Variants in MEIG1 observed in about 807,000 individuals in gnomAD.
MEIG1 encodes the protein meiosis/spermiogenesis associated 1.
A neutral mutation model predicts 11.3 loss-of-function variants in MEIG1; 12 were observed. The ratio of observed to expected loss-of-function variants is 1.07; its 90% CI spans 0.68 to 1.73. The LOEUF (loss-of-function observed/expected upper bound fraction) is 1.73. Ranked by LOEUF, MEIG1 falls within the 40% of genes most tolerant of loss-of-function variation. The pLI is 0.00. For synonymous variants in MEIG1, 41 were observed against 33.2 expected, an observed-to-expected ratio of 1.24 and a Z score of -0.81; for missense variants, 119 against 104.9, an observed-to-expected ratio of 1.13 and a Z score of -0.59.
intron 1 of MEIG1, among the ~76,000 whole-genome samples, chr10:14,980,160 C>G (rs1472760533): frequency 1.3e-5 from 2 of 152,012 alleles, no homozygotes; most frequent in Non-Finnish European, 2.9e-5. Context: ...CGCCTATTGT[C>G]ACAGGGGGTG....
chr10:14,960,675 C>A (rs534035161), intron 1 of MEIG1, among the ~76,000 whole-genome samples: 473 of 152,004 alleles, frequency 3.1e-3, no homozygotes, highest in African/African-American at 0.011. Context: ...GCCTCGGTCT[C>A]CCAAAGTGCT....
chr10:14,965,470 A>G (rs901236911), intron 1 of MEIG1, among the ~76,000 whole-genome samples: 2 of 152,208 alleles, frequency 1.3e-5, no homozygotes, highest in Middle Eastern at 3.2e-3. Flanking sequence ...CAGTACCACG[A>G]CAGCCACACA....
intron 1 of MEIG1, among the ~76,000 whole-genome samples, chr10:14,981,431 C>T (rs1242531345): frequency 2.6e-5 from 4 of 152,166 alleles, no homozygotes; most frequent in Non-Finnish European, 5.9e-5. Context: ...TGATGAATGA[C>T]TTGATGTCCT....
chr10:14,974,305 G>A (rs984576404), downstream of MEIG1, among the ~76,000 whole-genome samples: 4 of 151,702 alleles, frequency 2.6e-5, no homozygotes, highest in East Asian at 3.8e-4. Flanking sequence ...TGTTAAAGAG[G>A]AACATGAGCA....
intron 1 of MEIG1, 52 bp from the exon 2 acceptor site, chr10:14,966,388 T>G: frequency 7.5e-7 from 1 of 1,341,578 alleles, no homozygotes; most frequent in Non-Finnish European, 1.0e-6. Context: ...AAAGGGAATT[T>G]CAAAATTGTC....
chr10:14,959,806 C>T (rs1842991027), intron 1 of MEIG1, among the ~76,000 whole-genome samples: 1 of 152,244 alleles, frequency 6.6e-6, no homozygotes, highest in South Asian at 2.1e-4. Flanking sequence ...GCCCCGGACC[C>T]CATTGGCTTT....
downstream of MEIG1, among the ~76,000 whole-genome samples, chr10:14,973,859 G>T (rs558487063): frequency 6.6e-6 from 1 of 151,844 alleles, no homozygotes; most frequent in African/African-American, 2.4e-5. Context: ...ATGTACAGTT[G>T]CATGACCTTG....
intron 1 of MEIG1, among the ~76,000 whole-genome samples, chr10:14,964,713 G>A (rs1428633171): frequency 2.1e-5 from 3 of 144,696 alleles, no homozygotes; most frequent in East Asian, 2.0e-4. Flanking sequence ...CACCTCCTGG[G>A]TTTCAAGCGA....
chr10:14,969,640 GC>G (rs1843127374), intron 2 of MEIG1, among the ~76,000 whole-genome samples: 1 of 152,048 alleles, frequency 6.6e-6, no homozygotes, highest in Admixed American at 6.6e-5. Context: ...TTAGAGACCA[GC>G]CTGGCCAACA....
At chr10:14,981,785 C>T (rs1843267950) in intron 1 of MEIG1, among the ~76,000 whole-genome samples, 1 of 152,204 alleles carries the variant, frequency 6.6e-6, no homozygotes, top group Non-Finnish European at 1.5e-5. Context: ...TTCCAATAAG[C>T]ACACTGGTTA....
intron 2 of MEIG1, among the ~76,000 whole-genome samples, chr10:14,968,272 G>C (rs1843110745): frequency 6.6e-6 from 1 of 152,152 alleles, no homozygotes; most frequent in South Asian, 2.1e-4. Flanking sequence ...CAGATCACTT[G>C]AGGTAATGAG....
At chr10:14,963,237 C>G (rs1843036386) in intron 1 of MEIG1, among the ~76,000 whole-genome samples, 1 of 152,132 alleles carries the variant, frequency 6.6e-6, no homozygotes, top group African/African-American at 2.4e-5. Context: ...GCTGGGATTA[C>G]AGGCATGCGC....
At chr10:14,954,255 C>T in the MEIG1 span, 1 of 611,484 alleles carries the variant, frequency 1.6e-6, no homozygotes, top group Non-Finnish European at 2.9e-6. Flanking sequence ...GCCCTGAGCC[C>T]TGCCCAGTGC....
chr10:14,967,504 ATTTT>A (rs34624834), intron 2 of MEIG1, among the ~76,000 whole-genome samples: 12 of 135,300 alleles, frequency 8.9e-5, no homozygotes, highest in Admixed American at 1.5e-4. Context: ...CTACTAAGAT[ATTTT>A]TTTTTTTTTT....
intron 1 of MEIG1, among the ~76,000 whole-genome samples, chr10:14,962,395 T>C (rs527634660): frequency 2.1e-4 from 32 of 152,358 alleles, no homozygotes; most frequent in Non-Finnish European, 4.3e-4. Flanking sequence ...TCATATTCTC[T>C]TTAGGTATTT....
At chr10:14,983,319 C>T (rs969462492) in intron 1 of MEIG1, among the ~76,000 whole-genome samples, 2 of 152,082 alleles carry the variant, frequency 1.3e-5, no homozygotes, top group African/African-American at 4.8e-5. Flanking sequence ...GTGCACAACC[C>T]TTCTGTGACA....
At chr10:14,959,885 G>C (rs1341377378) in intron 1 of MEIG1, among the ~76,000 whole-genome samples, 1 of 152,212 alleles carries the variant, frequency 6.6e-6, no homozygotes, top group Non-Finnish European at 1.5e-5. Flanking sequence ...GTCCGTCCCA[G>C]CCTTCACCAG....
At chr10:14,976,301 G>A (rs1473227657), downstream of MEIG1, among the ~76,000 whole-genome samples, 4 of 152,074 alleles carry the variant, frequency 2.6e-5, no homozygotes, top group Non-Finnish European at 5.9e-5. Flanking sequence ...TTATTCATCG[G>A]GGAATATTAA....
In MEIG1 at chr10:14,972,701, T is replaced by A; in HGVS notation, c.*60T>A. The stretch of plus-strand genomic sequence containing the variant: ...TAAGTATTCATCATTTCCTTCTACA[T>A]CATGTGTTTGTCATTTGATGAAATA... On this transcript the variant is annotated 3_prime_UTR_variant, in exon 3 of 3. Transcript: ENST00000407572. 7.1e-7 allele frequency: 1 copy of A among 1,398,678 alleles called. No homozygotes were observed. Among genetic ancestry groups the A allele is most frequent in the East Asian group, 2.4e-5 (1 of 40,880 alleles). The allele number at this position is 1,398,678 out of a possible 1,614,324, so 86.6% of individuals were successfully genotyped here.
Sources: allele counts gnomAD v4.1 joint callset (sites outside exome capture counted in the v4.1 genomes callset), GRCh38; gene constraint gnomAD v4.1.1; transcripts MANE v1.5; gene names NCBI Gene and HGNC (gene_info 2026-07-23, HGNC 2026-07-21).